The following PCDHGA1 variants were observed in gnomAD, a reference collection of about 807,000 sequenced individuals.
The protein encoded by PCDHGA1 is protocadherin gamma-A1.
Under a neutral mutation model 58.0 loss-of-function variants are expected in PCDHGA1, and 32 were observed. That is an observed-to-expected ratio of 0.55 (90% CI 0.42 to 0.74). The LOEUF is 0.74. Ranked by LOEUF, PCDHGA1 falls within the 30% of genes least tolerant of loss-of-function variation. The pLI is 0.00. For synonymous variants in PCDHGA1, 498 were observed against 501.1 expected, an observed-to-expected ratio of 0.99 and a Z score of 0.08; for missense variants, 1,205 against 1,182.3, an observed-to-expected ratio of 1.02 and a Z score of -0.28.
chr5:141,458,059 T>A (rs533147047), intron 1 of PCDHGA1, among the ~76,000 whole-genome samples: 1 of 152,238 alleles, frequency 6.6e-6, no homozygotes, highest in Admixed American at 6.5e-5. Flanking sequence ...CTTGCTGCAC[T>A]GATGCGAACA....
chr5:141,427,469 C>T lies in PCDHGA1; in HGVS notation c.2422-67338C>T, dbSNP rs116302471. The T allele has an allele frequency of 9.8e-3, 5,010 of 510,088 alleles. 35 individuals are homozygous for T. Among genetic ancestry groups the T allele is most frequent in the Non-Finnish European group, 0.012 (3,225 of 262,464 alleles). 31.6% of individuals were successfully genotyped at this position (510,088 alleles called of 1,614,324 possible). A position where few individuals can be genotyped will look rare whatever the true frequency, so the allele number is the denominator to read the frequency against. On this transcript the variant is annotated intron_variant, in intron 1 of 3. Coordinates refer to ENST00000517417, the MANE Select transcript of PCDHGA1 (RefSeq NM_018912.3). Reference sequence around the variant, plus strand: ...GAGTTCCTTTTAGAATCGAATCTTCCGCCAATAATGACTATAAGCTTGTAA... The same window carrying T: ...GAGTTCCTTTTAGAATCGAATCTTCTGCCAATAATGACTATAAGCTTGTAA...
intron 1 of PCDHGA1, chr5:141,345,869 C>T (rs760004877): frequency 1.3e-5 from 21 of 1,613,160 alleles, no homozygotes; most frequent in Non-Finnish European, 1.7e-5. Flanking sequence ...TCAAGGCCAG[C>T]GAGCCGGGAC....
At chr5:141,404,783 G>A (rs758824309) in intron 1 of PCDHGA1, 39 of 1,613,798 alleles carry the variant, frequency 2.4e-5, no homozygotes, top group South Asian at 2.2e-4. Context: ...CCTATTCAAG[G>A]CCAGTGAGCC....
At chr5:141,438,631 TATATACAC>T (rs1213304454) in intron 1 of PCDHGA1, among the ~76,000 whole-genome samples, 683 of 43,114 alleles carry the variant, frequency 0.016, 2 homozygotes, top group African/African-American at 0.049. Context: ...TATATATATA[TATATACAC>T]ACACACACAC....
chr5:141,399,093 A>C, intron 1 of PCDHGA1: 1 of 1,613,820 alleles, frequency 6.2e-7, no homozygotes. Flanking sequence ...ATGGTGGTGG[A>C]CTGGTTGCAC....
chr5:141,337,616 GGGT>G, intron 1 of PCDHGA1, among the ~76,000 whole-genome samples: 1 of 152,344 alleles, frequency 6.6e-6, no homozygotes, highest in South Asian at 2.1e-4. Context: ...GCCAGGGACT[GGGT>G]GAAAGGCAAT....
chr5:141,392,659 A>G, intron 1 of PCDHGA1: 1 of 788,300 alleles, frequency 1.3e-6, no homozygotes, highest in Non-Finnish European at 1.9e-6. Context: ...CGCAGATGCC[A>G]CAAACTAACT....
intron 1 of PCDHGA1, among the ~76,000 whole-genome samples, chr5:141,369,397 TG>T (rs1766213103): frequency 6.6e-6 from 1 of 152,082 alleles, no homozygotes; most frequent in Non-Finnish European, 1.5e-5. Flanking sequence ...TGGGCCAGGG[TG>T]GTTCATGACT....
In PCDHGA1 at chr5:141,476,875, C is replaced by T; in HGVS notation, c.2422-17932C>T. On this transcript the variant is annotated intron_variant, in intron 1 of 3. Coordinates refer to ENST00000517417, the MANE Select transcript of PCDHGA1 (RefSeq NM_018912.3). The surrounding 1 kb of genome is among the most constrained non-coding windows in gnomAD (Gnocchi z 7.6). ...ACCAGTCCTTGTACCGGGCGCGCGT[C>T]CTGGAGGATGCACCCTCCGGCACGC... 2 of 1,613,928 alleles carry T rather than the reference C, an allele frequency of 1.2e-6. No homozygotes were observed. Among genetic ancestry groups the T allele is most frequent in the Non-Finnish European group, 1.7e-6 (2 of 1,180,044 alleles).
chr5:141,465,800 C>T (rs1486100601), intron 1 of PCDHGA1, among the ~76,000 whole-genome samples: 1 of 151,524 alleles, frequency 6.6e-6, no homozygotes, highest in African/African-American at 2.4e-5. Flanking sequence ...TTTAAGAAAC[C>T]CTTCAGGATC....
rs181400389 is a variant in PCDHGA1, at chr5:141,360,129, C to T, written c.2421+27024C>T. The T allele has an allele frequency of 2.6e-4, 413 of 1,586,318 alleles. 2 individuals are homozygous for T. The Admixed American group carries it at 6.4e-3, about 25-fold the overall frequency. On this transcript the variant is annotated intron_variant, in intron 1 of 3. Coordinates refer to ENST00000517417, the MANE Select transcript of PCDHGA1 (RefSeq NM_018912.3). ...CCTATGGGCAAAGGAGCAAAGGGAGCCAGAAGATGAAAGCGAGCTCAGGGA... is the reference window on the plus strand; with the variant it reads ...CCTATGGGCAAAGGAGCAAAGGGAGTCAGAAGATGAAAGCGAGCTCAGGGA...
At chr5:141,430,947 G>T (rs1169662602) in intron 1 of PCDHGA1, 1 of 1,610,002 alleles carries the variant, frequency 6.2e-7, no homozygotes, top group Non-Finnish European at 8.5e-7. Flanking sequence ...GCGGAGCGCG[G>T]AGTCCGCATC....
At chr5:141,434,691 A>G (rs1263712056) in intron 1 of PCDHGA1, among the ~76,000 whole-genome samples, 2 of 152,150 alleles carry the variant, frequency 1.3e-5, no homozygotes. Flanking sequence ...GCTTGCTGTT[A>G]ATAAATATGT....
intron 1 of PCDHGA1, chr5:141,346,261 C>T (rs7736541): frequency 0.46 from 746,033 of 1,613,822 alleles, 179,365 homozygotes; most frequent in African/African-American, 0.8. Context: ...TTTGTGGGCG[C>T]GGACGGGGTT....
intron 1 of PCDHGA1, chr5:141,394,033 G>C (rs1242755844): frequency 1.2e-6 from 2 of 1,613,422 alleles, no homozygotes; most frequent in Non-Finnish European, 1.7e-6. Context: ...TTAGTGACAA[G>C]GAAATATTTG....
chr5:141,332,462 C>T lies in PCDHGA1; in HGVS notation c.1778C>T (p.Ala593Val), dbSNP rs754685144. The change falls in exon 1 of 4, where the codon GCG becomes GTG. Residue 593 changes from alanine (A) to valine (V), a missense_variant. Physicochemically the swap from Ala to Val is moderately conservative, Grantham distance 64. Transcript: ENST00000517417. The surrounding 1 kb of genome is among the most constrained non-coding windows in gnomAD (Gnocchi z 4.6). ...EPGYLVTKVV[A>V]VDRDSGQNAW... The stretch of plus-strand genomic sequence containing the variant: ...GGCTACCTGGTGACCAAGGTGGTGG[C>T]GGTGGACAGAGACTCGGGCCAGAAC... 2 of 1,613,554 alleles carry T rather than the reference C, an allele frequency of 1.2e-6. No homozygotes were observed. Among genetic ancestry groups the T allele is most frequent in the African/African-American group, 2.7e-5 (2 of 74,908 alleles).
At chr5:141,444,358 A>T (rs2098433774) in intron 1 of PCDHGA1, among the ~76,000 whole-genome samples, 1 of 151,436 alleles carries the variant, frequency 6.6e-6, no homozygotes, top group Non-Finnish European at 1.5e-5. Context: ...TTTAGTAGAG[A>T]CGGGGTTTCT....
chr5:141,476,977 C>T lies in PCDHGA1; in HGVS notation c.2422-17830C>T, dbSNP rs141692339. 3,083 of 1,614,232 alleles carry T rather than the reference C, an allele frequency of 1.9e-3. 52 individuals carry two copies. The African/African-American group carries it at 0.034, about 18-fold the overall frequency. Reference sequence around the variant, plus strand: ...TTATTTACTCCTTCGGCAGCCACAACCGCGCCGGCGTGCGGCAACTATTCG... The same window carrying T: ...TTATTTACTCCTTCGGCAGCCACAATCGCGCCGGCGTGCGGCAACTATTCG... On this transcript the variant is annotated intron_variant, in intron 1 of 3. Coordinates refer to ENST00000517417, the MANE Select transcript of PCDHGA1 (RefSeq NM_018912.3). This position sits in a 1 kb window ranked among gnomAD's most constrained non-coding sequence, Gnocchi z 7.6.
At chr5:141,422,488 A>G in intron 1 of PCDHGA1, 1 of 1,614,000 alleles carries the variant, frequency 6.2e-7, no homozygotes, top group Non-Finnish European at 8.5e-7. Context: ...GAGCTACAAT[A>G]TAACGTTGAC....
Sources: allele counts gnomAD v4.1 joint callset (sites outside exome capture counted in the v4.1 genomes callset), GRCh38; gene constraint gnomAD v4.1.1; non-coding constraint Gnocchi (gnomAD v3.1); transcripts MANE v1.5; gene names NCBI Gene and HGNC (gene_info 2026-07-23, HGNC 2026-07-21).